Variants in TNS1 observed in about 807,000 individuals in gnomAD.
TNS1 encodes tensin-1.
TNS1 carries 62 observed loss-of-function variants against 168.6 expected under a neutral mutation model. The ratio of observed to expected loss-of-function variants is 0.37; its 90% CI spans 0.30 to 0.45. The LOEUF is 0.45. TNS1 is among the 20% of genes least tolerant of loss of function. The pLI is 1.00. For missense variants in TNS1, 2,240 were observed against 2,339.4 expected, an observed-to-expected ratio of 0.96 and a Z score of 0.88; for synonymous variants, 934 against 933.2, an observed-to-expected ratio of 1.00 and a Z score of -0.02.
intron 24 of TNS1, among the ~76,000 whole-genome samples, chr2:217,816,976 G>A (rs755849954): frequency 6.6e-5 from 10 of 152,234 alleles, no homozygotes; most frequent in Non-Finnish European, 1.2e-4. Flanking sequence ...TCTAAGTAGA[G>A]GCAAAGGTGG....
chr2:217,885,909 G>C, intron 14 of TNS1, 90 bp from the exon 15 acceptor site: 2 of 1,553,628 alleles, frequency 1.3e-6, no homozygotes, highest in Non-Finnish European at 1.8e-6. Context: ...TACGCCACAG[G>C]GTTAGTGGGA....
intron 6 of TNS1, among the ~76,000 whole-genome samples, chr2:217,906,112 G>A (rs920468331): frequency 5.3e-5 from 8 of 152,154 alleles, no homozygotes; most frequent in African/African-American, 1.4e-4. Flanking sequence ...GAGGCCTGGC[G>A]CAGTCGCTGA....
At chr2:218,022,500 A>G (rs925793206) in intron 1 of TNS1, among the ~76,000 whole-genome samples, 2 of 152,182 alleles carry the variant, frequency 1.3e-5, no homozygotes, top group African/African-American at 2.4e-5. Flanking sequence ...ACGTACACAC[A>G]TACACACACA....
chr2:217,837,910 C>A (rs946536552), intron 19 of TNS1, among the ~76,000 whole-genome samples: 1 of 152,244 alleles, frequency 6.6e-6, no homozygotes, highest in African/African-American at 2.4e-5. Context: ...ACCCCAGGCT[C>A]CCAGGCCTTA....
chr2:217,960,711 C>T (rs2126001588), intron 3 of TNS1, among the ~76,000 whole-genome samples: 1 of 152,300 alleles, frequency 6.6e-6, no homozygotes, highest in South Asian at 2.1e-4. Context: ...TTAAGGGAGT[C>T]CCAGCTGCTC....
At chr2:218,016,971 G>A (rs1359481863) in intron 1 of TNS1, among the ~76,000 whole-genome samples, 2 of 152,212 alleles carry the variant, frequency 1.3e-5, no homozygotes, top group Non-Finnish European at 2.9e-5. Context: ...AACGAGGAGA[G>A]AACGCAGCTG....
At chr2:217,968,743 G>A (rs923136010) in intron 3 of TNS1, among the ~76,000 whole-genome samples, 1 of 152,280 alleles carries the variant, frequency 6.6e-6, no homozygotes, top group African/African-American at 2.4e-5. Flanking sequence ...CACCCAGGCT[G>A]GAGTGCAGTG....
At chr2:217,897,737 G>T in intron 8 of TNS1, 61 bp downstream of exon 8, 1 of 1,488,874 alleles carries the variant, frequency 6.7e-7, no homozygotes. Flanking sequence ...GTCATGTAGA[G>T]GTGGTGAGCA....
intron 3 of TNS1, among the ~76,000 whole-genome samples, chr2:217,970,186 G>C (rs566138064): frequency 6.6e-6 from 1 of 152,188 alleles, no homozygotes; most frequent in East Asian, 1.9e-4. Flanking sequence ...GTTTCAGAGG[G>C]AGCACAGGCC....
chr2:217,893,500 C>T lies in TNS1; in HGVS notation c.656G>A (p.Cys219Tyr). 1 of 1,613,608 alleles carries T rather than the reference C, an allele frequency of 6.2e-7. No individual in the cohort carries two copies. The highest frequency in any genetic ancestry group is 8.5e-7 in the Non-Finnish European group (1 of 1,179,834). Reference sequence around the variant, plus strand: ...ATTGAGCCATGTGTCCATGGCCTTACAGATGCTGCAGATCTTCTCCAGGGC... The same window carrying T: ...ATTGAGCCATGTGTCCATGGCCTTATAGATGCTGCAGATCTTCTCCAGGGC... The part of the protein sequence containing the change: ...TPALEKICSI[C>Y]KAMDTWLNAD... The change falls in exon 10 of 33, where the codon TGT (cysteine) becomes TAT (tyrosine). Residue 219 changes from cysteine to tyrosine, a missense_variant. By Grantham distance (194) the Cys-to-Tyr change is radical (BLOSUM62 -2). Coordinates refer to ENST00000682258, the MANE Select transcript of TNS1 (RefSeq NM_001387777.1).
intron 12 of TNS1, 21 bp downstream of exon 12, chr2:217,890,915 GTGAGTGCACACATACATGCAAGGGGC>G: frequency 6.3e-7 from 1 of 1,586,668 alleles, no homozygotes; most frequent in Non-Finnish European, 8.7e-7. Context: ...CCCACATAGA[GTGAGTGCACACATACATGCAAGGGGC>G]TGTGAGCCCC....
intron 1 of TNS1, among the ~76,000 whole-genome samples, chr2:217,993,435 TG>T (rs1360041268): frequency 1.3e-5 from 2 of 152,220 alleles, no homozygotes; most frequent in African/African-American, 4.8e-5. Context: ...GAAGCCAAGC[TG>T]GGAGCAGGGG....
chr2:217,909,290 G>A (rs1347183283), intron 4 of TNS1, among the ~76,000 whole-genome samples: 14 of 152,074 alleles, frequency 9.2e-5, no homozygotes, highest in Non-Finnish European at 1.9e-4. Context: ...AGACCACAGC[G>A]GAACTGAGAT....
Position 217,804,260 on chromosome 2 carries a change from C to A in TNS1, c.*199G>T, listed in dbSNP as rs867154846. The A allele has an allele frequency of 1.3e-5, 5 of 384,474 alleles. No individual in the cohort carries two copies. The Middle Eastern group carries it at 2.5e-3, about 192-fold the overall frequency. The allele number at this position is 384,474 out of a possible 1,614,324, so 23.8% of individuals were successfully genotyped here. On this transcript the variant is annotated 3_prime_UTR_variant, in exon 33 of 33. Transcript: ENST00000682258. ...CCAAGTTCTTCTCCTCCATCTTTCT[C>A]TCTCTCTCTCTCTCTCTCTCTCTCT...
chr2:218,003,013 G>C, upstream of TNS1: 1 of 438,186 alleles, frequency 2.3e-6, no homozygotes, highest in Non-Finnish European at 4.6e-6. Context: ...CTCTCGCCCT[G>C]CTGCCTCCAG....
At chr2:217,841,107 G>T in intron 19 of TNS1, 1 of 485,766 alleles carries the variant, frequency 2.1e-6, no homozygotes, top group Non-Finnish European at 2.7e-6. Context: ...GATTTGGAAG[G>T]AATAGCACAT....
chr2:218,022,349 C>T (rs916910697), intron 1 of TNS1, among the ~76,000 whole-genome samples: 2 of 152,186 alleles, frequency 1.3e-5, no homozygotes, highest in African/African-American at 4.8e-5. Context: ...GCCGCAGCCT[C>T]CTTTCTCCCA....
chr2:217,894,519 T>C (rs547380741), intron 9 of TNS1, among the ~76,000 whole-genome samples: 57 of 152,248 alleles, frequency 3.7e-4, no homozygotes, highest in African/African-American at 1.3e-3. Context: ...TAGCCAGGCA[T>C]GGTAGCACGT....
chr2:217,955,074 G>A (rs1286755715), intron 3 of TNS1, among the ~76,000 whole-genome samples: 3 of 152,222 alleles, frequency 2.0e-5, no homozygotes, highest in Admixed American at 2.0e-4. Context: ...CCGGACAGGT[G>A]TCCGCCATAG....
Sources: allele counts gnomAD v4.1 joint callset (sites outside exome capture counted in the v4.1 genomes callset), GRCh38; gene constraint gnomAD v4.1.1; transcripts MANE v1.5; gene names NCBI Gene and HGNC (gene_info 2026-07-23, HGNC 2026-07-21).